The following LRRC7 variants were observed in gnomAD, a reference collection of about 807,000 sequenced individuals.
LRRC7 encodes leucine-rich repeat-containing protein 7.
A neutral mutation model predicts 175.7 loss-of-function variants in LRRC7; 23 were observed. That is an observed-to-expected ratio of 0.13 (90% CI 0.09 to 0.19). LRRC7 has a LOEUF of 0.19. LRRC7 is among the 10% of genes least tolerant of loss of function. LRRC7 has a pLI of 1.00. For synonymous variants in LRRC7, 685 were observed against 680.9 expected (o/e 1.01, Z -0.09); for missense variants, 1,354 against 1,904.7 (o/e 0.71, Z 5.38).
chr1:70,092,037 G>A (rs537216881), intron 25 of LRRC7, among the ~76,000 whole-genome samples: 58 of 152,178 alleles, frequency 3.8e-4, no homozygotes, highest in African/African-American at 1.4e-3. Context: ...TAAAGACACT[G>A]ACTGACAATT....
rs1666304497 is a variant in LRRC7, at chr1:70,123,443, A to G, written c.*1556A>G. ...ACTGTTTTATGGGGACATTGAAAAT[A>G]TTGTATTTTTGTAGGGTCTATTAAA... On this transcript the variant is annotated 3_prime_UTR_variant, in exon 27 of 27. Coordinates refer to ENST00000651989, the MANE Select transcript of LRRC7 (RefSeq NM_001370785.2). 1 of 152,150 alleles carries G rather than the reference A, an allele frequency of 6.6e-6. No homozygotes were observed. The highest frequency in any genetic ancestry group is 2.4e-5 in the African/African-American group (1 of 41,446). 9.4% of individuals were successfully genotyped at this position (152,150 alleles called of 1,614,324 possible).
chr1:69,899,007 A>G (rs766557449), intron 7 of LRRC7, among the ~76,000 whole-genome samples: 7 of 152,182 alleles, frequency 4.6e-5, no homozygotes, highest in Non-Finnish European at 7.3e-5. Flanking sequence ...GTGTTCAAAA[A>G]ATGGGGATTA....
chr1:69,781,794 GAA>G (rs1673694449), intron 3 of LRRC7, among the ~76,000 whole-genome samples: 1 of 29,118 alleles, frequency 3.4e-5, no homozygotes, highest in Non-Finnish European at 6.6e-5. Context: ...AGAAAGGAAG[GAA>G]GGAAGGAAGG....
At chr1:69,814,732 T>C (rs1678380368) in intron 4 of LRRC7, among the ~76,000 whole-genome samples, 1 of 152,296 alleles carries the variant, frequency 6.6e-6, no homozygotes, top group African/African-American at 2.4e-5. Flanking sequence ...AGAACTCATA[T>C]ATTAATATAC....
chr1:69,854,876 C>A (rs917653012), intron 7 of LRRC7, among the ~76,000 whole-genome samples: 1 of 152,074 alleles, frequency 6.6e-6, no homozygotes, highest in Admixed American at 6.6e-5. Flanking sequence ...TGGTTCCCTG[C>A]CTTTAGCAGA....
intron 3 of LRRC7, among the ~76,000 whole-genome samples, chr1:69,782,262 T>C (rs939630593): frequency 6.6e-6 from 1 of 152,250 alleles, no homozygotes; most frequent in Non-Finnish European, 1.5e-5. Flanking sequence ...ACTGAGAAGG[T>C]ACAATGTGCC....
rs1285524953 is a variant in LRRC7, at chr1:69,745,430, A to G, written c.101-14761A>G. ...TAATTAAGCAATTTTGCAATACTTA[A>G]TCAGGAAAGATGTTCAAATCCTTTC... On this transcript the variant is annotated intron_variant, in intron 2 of 26. Coordinates refer to ENST00000651989, the MANE Select transcript of LRRC7 (RefSeq NM_001370785.2). 2.0e-5 allele frequency among the ~76,000 whole-genome samples: 3 copies of G among 152,040 alleles called. No individual in the cohort carries two copies. The East Asian group carries it at 5.8e-4, about 29-fold the overall frequency.
At chr1:69,799,835 C>T (rs918498772) in intron 4 of LRRC7, among the ~76,000 whole-genome samples, 4 of 151,970 alleles carry the variant, frequency 2.6e-5, no homozygotes, top group African/African-American at 7.2e-5. Flanking sequence ...AATGTCCAGA[C>T]GTGTTTTCTC....
At chr1:70,031,973 A>AT (rs2102006047) in intron 18 of LRRC7, among the ~76,000 whole-genome samples, 1 of 151,918 alleles carries the variant, frequency 6.6e-6, no homozygotes, top group Non-Finnish European at 1.5e-5. Flanking sequence ...TCATTTTTGT[A>AT]TTTTTAGTAG....
chr1:69,632,193 C>T (rs1652615504), intron 1 of LRRC7, among the ~76,000 whole-genome samples: 1 of 152,086 alleles, frequency 6.6e-6, no homozygotes, highest in Non-Finnish European at 1.5e-5. Flanking sequence ...TCCCATGTGC[C>T]CACAGCACCC....
intron 2 of LRRC7, among the ~76,000 whole-genome samples, chr1:69,744,637 C>T (rs1669064368): frequency 6.6e-6 from 1 of 151,674 alleles, no homozygotes; most frequent in South Asian, 2.1e-4. Flanking sequence ...ATTTAAATTG[C>T]TAAGGAATTA....
At chr1:69,795,086 A>C (rs1341822120) in intron 4 of LRRC7, among the ~76,000 whole-genome samples, 1 of 152,216 alleles carries the variant, frequency 6.6e-6, no homozygotes, top group East Asian at 1.9e-4. Context: ...AGCCATACCT[A>C]AGAAAGCTGT....
intron 7 of LRRC7, among the ~76,000 whole-genome samples, chr1:69,891,562 C>T (rs896449793): frequency 6.6e-6 from 1 of 151,918 alleles, no homozygotes; most frequent in Non-Finnish European, 1.5e-5. Flanking sequence ...TGAAACCCCA[C>T]CTCTACTAAA....
At chr1:69,756,161 A>G (rs941174536) in intron 2 of LRRC7, among the ~76,000 whole-genome samples, 2 of 151,992 alleles carry the variant, frequency 1.3e-5, no homozygotes, top group African/African-American at 4.8e-5. Flanking sequence ...ATGCTATTAG[A>G]TAAAGGGTAA....
intron 23 of LRRC7, among the ~76,000 whole-genome samples, chr1:70,064,606 A>T (rs1377622318): frequency 6.6e-6 from 1 of 151,834 alleles, no homozygotes; most frequent in Non-Finnish European, 1.5e-5. Flanking sequence ...TTTGATATAT[A>T]TATAGCTAGT....
At chr1:69,752,369 G>A (rs1020320676) in intron 2 of LRRC7, among the ~76,000 whole-genome samples, 1 of 152,114 alleles carries the variant, frequency 6.6e-6, no homozygotes, top group African/African-American at 2.4e-5. Context: ...AAGAAATCTT[G>A]GAAAGACTGA....
Position 70,039,188 on chromosome 1 carries a change from C to A in LRRC7, c.3364C>A (p.Gln1122Lys), listed in dbSNP as rs1659633098. 4 of 1,614,130 alleles carry A rather than the reference C, an allele frequency of 2.5e-6. No individual in the cohort carries two copies. The highest frequency in any genetic ancestry group is 3.4e-6 in the Non-Finnish European group (4 of 1,180,010). ...TTACAGAGGATACCCACCGATGGAG[C>A]AAATGTTTTCATTTTCTCAGCCATC... ...RAYRGYPPME[Q>K]MFSFSQPSVN... Residue 1122 changes from glutamine (Q) to lysine (K), a missense_variant, in exon 21 of 27, where the codon CAA becomes AAA. Transcript: ENST00000651989.
At chr1:70,034,846 A>C (rs1397025151) in intron 18 of LRRC7, among the ~76,000 whole-genome samples, 2 of 152,350 alleles carry the variant, frequency 1.3e-5, no homozygotes, top group Middle Eastern at 3.4e-3. Context: ...TTTTCAGGCA[A>C]ATATTTCCAT....
At chr1:70,044,758 C>A (rs1660198301) in intron 22 of LRRC7, among the ~76,000 whole-genome samples, 1 of 152,118 alleles carries the variant, frequency 6.6e-6, no homozygotes, top group African/African-American at 2.4e-5. Flanking sequence ...AGGAAAATTT[C>A]TGTTTGTTTA....
Sources: gnomAD v4.1 joint callset for allele counts (sites outside exome capture counted in the v4.1 genomes callset) on GRCh38, gnomAD v4.1.1 for gene constraint, MANE v1.5 for transcripts, NCBI Gene and HGNC (gene_info 2026-07-23, HGNC 2026-07-21) for gene names.